Variants in CR1 observed in about 807,000 individuals in gnomAD.
CR1 encodes complement receptor type 1.
CR1 carries 116 observed loss-of-function variants against 187.3 expected under a neutral mutation model. That is an observed-to-expected ratio of 0.62 (90% confidence interval 0.53 to 0.72). CR1 has a LOEUF of 0.72. Ranked by LOEUF, CR1 falls within the 30% of genes least tolerant of loss-of-function variation. The probability of loss-of-function intolerance (pLI) is 0.00; values close to 1 mark genes in which losing one functional copy is unlikely to be tolerated. For missense variants in CR1, 1,731 were observed against 2,110.7 expected, an observed-to-expected ratio of 0.82 and a Z score of 3.52; for synonymous variants, 576 against 747.1, an observed-to-expected ratio of 0.77 and a Z score of 3.73.
At chr1:207,510,013 G>A (rs1317634854) in intron 3 of CR1, among the ~76,000 whole-genome samples, 1 of 152,152 alleles carries the variant, frequency 6.6e-6, no homozygotes, top group Admixed American at 6.5e-5. Context: ...TTCAAGACCA[G>A]CCTGGTCAAT....
intron 41 of CR1, 68 bp downstream of exon 41, chr1:207,616,870 T>C (rs771022815): frequency 1.7e-5 from 27 of 1,559,170 alleles, no homozygotes; most frequent in Non-Finnish European, 2.3e-5. Context: ...CATATTTCTA[T>C]AGTGACAGTC....
intron 13 of CR1, among the ~76,000 whole-genome samples, chr1:207,544,779 C>T (rs1466412929): frequency 6.8e-6 from 1 of 146,216 alleles, no homozygotes; most frequent in Admixed American, 6.7e-5. Context: ...CTTTACCACC[C>T]TATGTCAGGT....
At chr1:207,583,602 C>A (rs1039808296) in intron 32 of CR1, among the ~76,000 whole-genome samples, 2 of 152,218 alleles carry the variant, frequency 1.3e-5, no homozygotes, top group African/African-American at 4.8e-5. Flanking sequence ...GCTTCCCCTT[C>A]TGATCATAGC....
At chr1:207,592,073 A>T (rs978387866) in intron 35 of CR1, among the ~76,000 whole-genome samples, 2 of 151,976 alleles carry the variant, frequency 1.3e-5, no homozygotes, top group Non-Finnish European at 2.9e-5. Flanking sequence ...AAAAAGAGGG[A>T]CTCCTCCCTA....
At chr1:207,604,109 G>C (rs571824385) in intron 35 of CR1, among the ~76,000 whole-genome samples, 1 of 152,074 alleles carries the variant, frequency 6.6e-6, no homozygotes, top group Non-Finnish European at 1.5e-5. Flanking sequence ...GGGCAAAAAC[G>C]GCATTTTATT....
rs187351615 is a variant in CR1 at position 207,584,934 on chromosome 1, C to A, written c.5530+58C>A. ...TTCAGAATATGTGGACCCAATCCCT[C>A]ATGTTTCTGTAATAAGACTATGGTA... On this transcript the variant is annotated intron_variant, in intron 33 of 46. Transcript: ENST00000367049. 75 of 1,596,626 alleles carry A rather than the reference C, an allele frequency of 4.7e-5. No homozygotes were observed. In the Admixed American group the frequency reaches 1.3e-3, roughly 27 times the overall value.
chr1:207,611,740 C>T lies in CR1; in HGVS notation c.6359C>T (p.Ser2120Leu). Reference protein sequence around the residue: ...EHTLSHQDNFSPGQEVFYSCE... With the variant: ...EHTLSHQDNFLPGQEVFYSCE... ...ACCCTAAGCCATCAGGACAACTTTT[C>T]ACCTGGGCAGGAAGTGTTCTACAGC... The change falls in exon 38 of 47, where the codon TCA (serine) becomes TTA (leucine). Residue 2120 changes from serine (S) to leucine (L), a missense_variant. By Grantham distance (145) the Ser-to-Leu change is moderately radical (BLOSUM62 -2). Around this residue, in one of 5 missense-constraint regions of CR1, gnomAD observed 1,312 missense variants for 1,379.6 expected, o/e 0.95. Coordinates refer to ENST00000367049, the MANE Select transcript of CR1 (RefSeq NM_000651.6). 1 of 1,613,986 alleles carries T rather than the reference C, an allele frequency of 6.2e-7. No individual in the cohort carries two copies. The highest frequency in any genetic ancestry group is 1.3e-5 in the African/African-American group (1 of 75,024).
intron 35 of CR1, among the ~76,000 whole-genome samples, chr1:207,602,890 T>C (rs1661644725): frequency 6.6e-6 from 1 of 151,962 alleles, no homozygotes. Context: ...GGAGGAAAAA[T>C]ACCATTCACA....
Position 207,587,335 on chromosome 1 carries a change from G to A in CR1, c.5531-51G>A, listed in dbSNP as rs913560889. 2.3e-5 allele frequency: 34 copies of A among 1,485,086 alleles called. 1 individual carries two copies. The highest frequency in any genetic ancestry group is 2.7e-5 in the Non-Finnish European group (29 of 1,085,688). The allele number at this position is 1,485,086 out of a possible 1,614,324, so 92.0% of individuals were successfully genotyped here. Reference sequence around the variant, plus strand: ...CTTAATTGAAGAGAAAGAGGAGGTAGGGTGGAAGTCTCTCTGCTAACTTTG... The same window carrying A: ...CTTAATTGAAGAGAAAGAGGAGGTAAGGTGGAAGTCTCTCTGCTAACTTTG... On this transcript the variant is annotated intron_variant, in intron 33 of 46. Transcript: ENST00000367049.
intron 45 of CR1, among the ~76,000 whole-genome samples, chr1:207,626,306 C>G (rs1662476469): frequency 1.3e-5 from 2 of 152,170 alleles, no homozygotes; most frequent in African/African-American, 4.8e-5. Flanking sequence ...AAGTAATAAA[C>G]TTAAATAATC....
chr1:207,515,723 A>T (rs1659790631), intron 4 of CR1, among the ~76,000 whole-genome samples: 1 of 152,080 alleles, frequency 6.6e-6, no homozygotes, highest in African/African-American at 2.4e-5. Flanking sequence ...CCTATTATTT[A>T]TTAGTTTGTC....
chr1:207,598,601 G>A (rs1053989612), intron 35 of CR1, among the ~76,000 whole-genome samples: 1 of 152,116 alleles, frequency 6.6e-6, no homozygotes, highest in African/African-American at 2.4e-5. Context: ...TGTATTTATA[G>A]TAGAGACAGG....
chr1:207,567,864 A>G lies in CR1; in HGVS notation c.3993A>G (p.Arg1331=). Residue 1331 remains arginine (R), a synonymous_variant, in exon 25 of 47, where the codon AGA becomes AGG. Coordinates refer to ENST00000367049, the MANE Select transcript of CR1 (RefSeq NM_000651.6). ...GTCCTCCAGTTATTCCTAATGGGAG[A>G]CACACAGGAAAACCTCTGGAAGTCT... ...CPSPPVIPNG[R]HTGKPLEVFP... 6.2e-7 allele frequency: 1 copy of G among 1,610,986 alleles called. No homozygotes were observed. Among genetic ancestry groups the G allele is most frequent in the Non-Finnish European group, 8.5e-7 (1 of 1,179,648 alleles).
chr1:207,567,079 T>C (rs1452598902), intron 24 of CR1, among the ~76,000 whole-genome samples: 2 of 150,290 alleles, frequency 1.3e-5, no homozygotes, highest in African/African-American at 2.5e-5. Flanking sequence ...GTTAAAATAG[T>C]TTCTTCCAAA....
chr1:207,498,880 A>AAAAAAAAG (rs1659174866), intron 1 of CR1, among the ~76,000 whole-genome samples: 1 of 147,010 alleles, frequency 6.8e-6, no homozygotes, highest in Non-Finnish European at 1.5e-5. Context: ...TCCAAATCAA[A>AAAAAAAAG]AAAAAAAAAA....
chr1:207,513,832 T>C (rs1338032133), intron 4 of CR1, among the ~76,000 whole-genome samples: 1 of 149,094 alleles, frequency 6.7e-6, no homozygotes, highest in African/African-American at 2.5e-5. Flanking sequence ...TTCTTTCTTC[T>C]TTACCACGCT....
At chr1:207,603,289 G>C (rs1030698207) in intron 35 of CR1, among the ~76,000 whole-genome samples, 1 of 152,116 alleles carries the variant, frequency 6.6e-6, no homozygotes, top group African/African-American at 2.4e-5. Flanking sequence ...TCACATGTAA[G>C]AAAGATCATG....
At chr1:207,506,991 A>C (rs1285723089) in intron 3 of CR1, 178 bp downstream of exon 3, 1 of 552,720 alleles carries the variant, frequency 1.8e-6, no homozygotes, top group East Asian at 3.2e-5. Context: ...AGATCGGGGG[A>C]AAATCATCTG....
At chr1:207,510,146 G>A (rs570649520) in intron 3 of CR1, among the ~76,000 whole-genome samples, 1 of 152,242 alleles carries the variant, frequency 6.6e-6, no homozygotes, top group Non-Finnish European at 1.5e-5. Flanking sequence ...GGTGGAGGTT[G>A]CAGTGAGCCA....
Sources: allele counts gnomAD v4.1 joint callset (sites outside exome capture counted in the v4.1 genomes callset), GRCh38; gene constraint gnomAD v4.1.1; regional missense constraint gnomAD v4.1.1; transcripts MANE v1.5; gene names NCBI Gene and HGNC (gene_info 2026-07-23, HGNC 2026-07-21).